Variants in WNK1 observed in about 807,000 individuals in gnomAD.
WNK1 encodes the protein WNK lysine deficient protein kinase 1.
A neutral mutation model predicts 222.8 loss-of-function variants in WNK1; 38 were observed. The ratio of observed to expected loss-of-function variants is 0.17; its 90% confidence interval spans 0.13 to 0.22. The LOEUF is 0.22. WNK1 is among the 10% of genes least tolerant of loss of function. The pLI, the probability that WNK1 is intolerant of heterozygous loss-of-function variation, is 1.00. For missense variants in WNK1, 2,348 were observed against 2,918.4 expected, an observed-to-expected ratio of 0.80 and a Z score of 4.50; for synonymous variants, 1,090 against 1,092.9, an observed-to-expected ratio of 1.00 and a Z score of 0.05.
intron 8 of WNK1, chr12:868,378 A>T (rs772781173): frequency 6.2e-7 from 1 of 1,613,938 alleles, no homozygotes; most frequent in Non-Finnish European, 8.5e-7. Context: ...AGATACCTGA[A>T]CAGAAGCCAG....
intron 1 of WNK1, among the ~76,000 whole-genome samples, chr12:760,877 G>A (rs1291401710): frequency 1.4e-5 from 2 of 146,014 alleles, no homozygotes; most frequent in African/African-American, 2.4e-5. Context: ...GTGTTCAAGC[G>A]ATTCTCCTGC....
rs1168142220 is a variant in WNK1, at chr12:827,872, C to T, written c.1153+610C>T. Among the ~76,000 whole-genome samples the T allele has an allele frequency of 7.3e-6, 1 of 137,852 alleles. No homozygotes were observed. Among genetic ancestry groups the T allele is most frequent in the Admixed American group, 7.9e-5 (1 of 12,666 alleles). The allele number at this position is 137,852 out of a possible 152,430, so 90.4% of individuals were successfully genotyped here. On this transcript the variant is annotated intron_variant, in intron 3 of 27. Transcript: ENST00000315939. This position sits in a 1 kb window ranked among gnomAD's most constrained non-coding sequence, Gnocchi z 4.6. ...CACTGTTGATACTTAACATTATACA[C>T]TATTTATTTAATACATACAGTATGT... is the stretch of plus-strand genomic sequence containing the variant.
At chr12:837,572 TAAAAAAA>T (rs530005542) in intron 4 of WNK1, among the ~76,000 whole-genome samples, 4 of 123,664 alleles carry the variant, frequency 3.2e-5, no homozygotes, top group African/African-American at 3.3e-5. Context: ...AGACCCTGTC[TAAAAAAA>T]AAAAAAAAAA....
chr12:908,116 TCTTACGCCACGAC>T, intron 27 of WNK1, 82 bp downstream of exon 27: 1 of 1,493,404 alleles, frequency 6.7e-7, no homozygotes, highest in Non-Finnish European at 9.3e-7. Flanking sequence ...CTGCTTAACG[TCTTACGCCACGAC>T]CTTCTTCAAT....
chr12:880,699 A>G lies in WNK1; in HGVS notation c.2833-22A>G, dbSNP rs1343739436. 12 of 1,607,754 alleles carry G rather than the reference A, an allele frequency of 7.5e-6. No individual in the cohort carries two copies. In the Middle Eastern group the frequency reaches 7.2e-4, roughly 96 times the overall value. ...ATTGACCCCCAACCTGCTCTAACTC[A>G]CCTTCCTCATTTCTGTCACAGGGCT... On this transcript the variant is annotated intron_variant, in intron 11 of 27. Transcript: ENST00000315939.
At chr12:853,127 T>C (rs1471772619) in intron 4 of WNK1, among the ~76,000 whole-genome samples, 1 of 152,148 alleles carries the variant, frequency 6.6e-6, no homozygotes, top group Non-Finnish European at 1.5e-5. Flanking sequence ...TTGGCACCTA[T>C]GGTACATTTT....
intron 1 of WNK1, among the ~76,000 whole-genome samples, chr12:777,135 T>C (rs1943195882): frequency 6.6e-6 from 1 of 152,026 alleles, no homozygotes; most frequent in Non-Finnish European, 1.5e-5. Context: ...CTGTGCTTTT[T>C]TTCATTTGGA....
At chr12:779,552 G>T (rs1259239574) in intron 1 of WNK1, among the ~76,000 whole-genome samples, 1 of 151,812 alleles carries the variant, frequency 6.6e-6, no homozygotes, top group Non-Finnish European at 1.5e-5. Context: ...TTACAGGTGC[G>T]CGCCGCACCT....
chr12:784,890 A>G (rs1314842821), intron 1 of WNK1, among the ~76,000 whole-genome samples: 1 of 152,184 alleles, frequency 6.6e-6, no homozygotes, highest in African/African-American at 2.4e-5. Context: ...CTCATTTGTG[A>G]AAGAATAACT....
At chr12:907,813 TC>T in intron 26 of WNK1, 33 bp from the exon 27 acceptor site, 1 of 1,612,072 alleles carries the variant, frequency 6.2e-7, no homozygotes, top group Non-Finnish European at 8.5e-7. Context: ...AACCTAGGCT[TC>T]TTTTAATGCT....
intron 12 of WNK1, 68 bp downstream of exon 12, chr12:881,067 G>C (rs1953113688): frequency 6.3e-7 from 1 of 1,592,128 alleles, no homozygotes. Flanking sequence ...TGATAAAGGA[G>C]AAAGAAACAG....
rs931362011 is a variant in WNK1, at chr12:900,613, T to G, written c.6586T>G (p.Ser2196Ala). The change falls in exon 26 of 28, where the codon TCA becomes GCA. Residue 2196 changes from serine (S) to alanine (A), a missense_variant. Physicochemically the swap from Ser to Ala is moderately conservative, Grantham distance 99. Around this residue, in one of 13 missense-constraint regions of WNK1, gnomAD observed 1,144 missense variants for 1,273.6 expected, o/e 0.90. Transcript: ENST00000315939. ...ATCTCCCTCCAGTGACAACCTCTAT[T>G]CAGCCTTCACCAGTGATGGTGCCAT... ...KPSPSSDNLY[S>A]AFTSDGAISV... The G allele has an allele frequency of 6.2e-7, 1 of 1,614,080 alleles. No individual in the cohort carries two copies. Among genetic ancestry groups the G allele is most frequent in the Non-Finnish European group, 8.5e-7 (1 of 1,180,044 alleles).
intron 4 of WNK1, among the ~76,000 whole-genome samples, chr12:831,705 A>G (rs1289964548): frequency 6.6e-6 from 1 of 152,104 alleles, no homozygotes; most frequent in Non-Finnish European, 1.5e-5. Context: ...ATTTTTAATG[A>G]ATTAACATTT....
At chr12:851,149 G>A (rs148904223) in intron 4 of WNK1, among the ~76,000 whole-genome samples, 1 of 152,296 alleles carries the variant, frequency 6.6e-6, no homozygotes, top group Non-Finnish European at 1.5e-5. Flanking sequence ...GGATTGAACT[G>A]AGAACCCAGC....
chr12:772,973 T>C (rs1295303713), intron 1 of WNK1, among the ~76,000 whole-genome samples: 1 of 152,240 alleles, frequency 6.6e-6, no homozygotes, highest in South Asian at 2.1e-4. Flanking sequence ...GTAAGTTCTT[T>C]GAGGAGCTGG....
At chr12:807,291 CTGTTTT>C (rs1565457835) in intron 1 of WNK1, among the ~76,000 whole-genome samples, 3 of 109,600 alleles carry the variant, frequency 2.7e-5, no homozygotes, top group Admixed American at 1.1e-4. Context: ...GACCCTGTCT[CTGTTTT>C]TTTTTTTTTT....
At chr12:860,099 C>T (rs1191204166) in intron 6 of WNK1, among the ~76,000 whole-genome samples, 1 of 152,142 alleles carries the variant, frequency 6.6e-6, no homozygotes, top group African/African-American at 2.4e-5. Context: ...TAGTAGAATG[C>T]ATTCCGAAGT....
intron 1 of WNK1, among the ~76,000 whole-genome samples, chr12:764,634 C>CAAAAAAAAAAAAA (rs529312629): frequency 2.0e-5 from 1 of 50,158 alleles, no homozygotes; most frequent in Non-Finnish European, 3.6e-5. Context: ...AACTCCGTCT[C>CAAAAAAAAAAAAA]AAAAAAAAAA....
chr12:843,125 G>T (rs568378675), intron 4 of WNK1, among the ~76,000 whole-genome samples: 9 of 152,018 alleles, frequency 5.9e-5, no homozygotes, highest in African/African-American at 2.2e-4. Flanking sequence ...TAGTTAAAAC[G>T]GGGGTTTTAC....
Sources: allele counts gnomAD v4.1 joint callset (sites outside exome capture counted in the v4.1 genomes callset), GRCh38; gene constraint gnomAD v4.1.1; regional missense constraint gnomAD v4.1.1; non-coding constraint Gnocchi (gnomAD v3.1); transcripts MANE v1.5; gene names NCBI Gene and HGNC (gene_info 2026-07-23, HGNC 2026-07-21).